The following SULT1A1 variants were observed in gnomAD, a reference collection of about 807,000 sequenced individuals.
The protein encoded by SULT1A1 is sulfotransferase 1A1.
A neutral mutation model predicts 36.8 loss-of-function variants in SULT1A1; 35 were observed. That is an observed-to-expected ratio of 0.95 (90% CI 0.73 to 1.26). The LOEUF (loss-of-function observed/expected upper bound fraction) is 1.26. SULT1A1 is among the 50% of genes most tolerant of loss of function. SULT1A1 has a pLI of 0.00. For missense variants in SULT1A1, 309 were observed against 383.0 expected (o/e 0.81, Z 1.61); for synonymous variants, 119 against 146.0 (o/e 0.82, Z 1.33).
chr16:28,615,786 G>A (rs1232828395), intron 2 of SULT1A1, among the ~76,000 whole-genome samples: 2 of 152,230 alleles, frequency 1.3e-5, no homozygotes, highest in Non-Finnish European at 1.5e-5. Context: ...GTAAGGTCAC[G>A]TGGGTCACGT....
At chr16:28,618,339 C>CTTTTTTTTTTTTTT (rs546277570) in intron 2 of SULT1A1, among the ~76,000 whole-genome samples, 1 of 72,400 alleles carries the variant, frequency 1.4e-5, no homozygotes, top group Non-Finnish European at 2.4e-5. Context: ...ACTTCCCGCT[C>CTTTTTTTTTTTTTT]TTTTTTTTTT....
chr16:28,620,513 G>C (rs921184798), intron 1 of SULT1A1, among the ~76,000 whole-genome samples: 2 of 144,972 alleles, frequency 1.4e-5, no homozygotes, highest in Admixed American at 7.2e-5. Flanking sequence ...ACAGTGAGCT[G>C]TGATCATGCC....
upstream of SULT1A1, among the ~76,000 whole-genome samples, chr16:28,614,448 G>A (rs2047491309): frequency 1.6e-5 from 2 of 128,308 alleles, 1 homozygote; most frequent in African/African-American, 5.3e-5. Flanking sequence ...AGACCCTTCC[G>A]GTCTCACCAG....
chr16:28,617,740 C>T (rs1300476616), intron 2 of SULT1A1, among the ~76,000 whole-genome samples: 3 of 152,016 alleles, frequency 2.0e-5, no homozygotes, highest in African/African-American at 7.2e-5. Context: ...CGGGGTTTCA[C>T]CAAGTTGGCC....
chr16:28,623,119 C>T (rs552285207), intron 1 of SULT1A1: 12 of 1,546,220 alleles, frequency 7.8e-6, no homozygotes, highest in South Asian at 6.0e-5. Flanking sequence ...GGTTCCCCCC[C>T]CGGCCCCTCA....
chr16:28,605,589 C>T lies in SULT1A1; in HGVS notation c.*232G>A, dbSNP rs1268093093. 5 of 737,302 alleles carry T rather than the reference C, an allele frequency of 6.8e-6. No individual in the cohort carries two copies. Among genetic ancestry groups the T allele is most frequent in the African/African-American group, 1.7e-5 (1 of 58,640 alleles). The allele number at this position is 737,302 out of a possible 1,614,324, so 45.7% of individuals were successfully genotyped here. On this transcript the variant is annotated 3_prime_UTR_variant, in exon 8 of 8. Coordinates refer to ENST00000314752, the MANE Select transcript of SULT1A1 (RefSeq NM_001055.4). ...GCCTGGCCCACAATCATATTTTATT[C>T]TCTTTTTAAAAATTGGTTTTATTTT...
rs1244950973 is a variant in SULT1A1, at chr16:28,608,559, C to G, written c.193G>C (p.Gly65Arg). ...GCTCGGTGACACTTCTCCAGGTCAC[C>G]ACCCTGGTAGATCATGTCCAGAATC... ...SQILDMIYQG[G>R]DLEKCHRAPI... The change falls in exon 3 of 8, where the codon GGT becomes CGT. Residue 65 changes from glycine (G) to arginine (R), a missense_variant. By Grantham distance (125) the Gly-to-Arg change is moderately radical. Coordinates refer to ENST00000314752, the MANE Select transcript of SULT1A1 (RefSeq NM_001055.4). 1 of 1,612,246 alleles carries G rather than the reference C, an allele frequency of 6.2e-7. No homozygotes were observed. Among genetic ancestry groups the G allele is most frequent in the African/African-American group, 1.3e-5 (1 of 74,866 alleles).
At chr16:28,623,363 C>T in exon 1 of SULT1A1, 1 of 1,486,078 alleles carries the variant, frequency 6.7e-7, no homozygotes, top group Non-Finnish European at 8.9e-7. Flanking sequence ...CGGAGACGAG[C>T]GAGCTACGGC....
intron 1 of SULT1A1, among the ~76,000 whole-genome samples, chr16:28,622,604 C>A (rs939279516): frequency 6.6e-6 from 1 of 152,170 alleles, no homozygotes; most frequent in Non-Finnish European, 1.5e-5. Flanking sequence ...TGCTCTGCCC[C>A]CCAGGGTCAC....
Position 28,608,272 on chromosome 16 carries a change from A to C in SULT1A1, c.372+19T>G. ...AAAGTGCTGGGATTATGGATGTGAA[A>C]CACTGTGCCCTGCCTCACCTTGACC... On this transcript the variant is annotated intron_variant, in intron 4 of 7. Coordinates refer to ENST00000314752, the MANE Select transcript of SULT1A1 (RefSeq NM_001055.4). The C allele has an allele frequency of 1.2e-6, 2 of 1,611,448 alleles. No homozygotes were observed. The highest frequency in any genetic ancestry group is 1.7e-6 in the Non-Finnish European group (2 of 1,178,068).
chr16:28,605,349 C>T lies in SULT1A1; in HGVS notation c.*472G>A, dbSNP rs2047134018. On this transcript the variant is annotated 3_prime_UTR_variant, in exon 8 of 8. Coordinates refer to ENST00000314752, the MANE Select transcript of SULT1A1 (RefSeq NM_001055.4). ...GTGGATTAGCCCAGTCAGCCCACTG[C>T]AGCCATAACCTCCCTGGCTCAGGCG... 1 of 253,566 alleles carries T rather than the reference C, an allele frequency of 3.9e-6. No homozygotes were observed. The highest frequency in any genetic ancestry group is 7.9e-6 in the Non-Finnish European group (1 of 127,146). The allele number at this position is 253,566 out of a possible 1,614,324, so 15.7% of individuals were successfully genotyped here. A position where few individuals can be genotyped will look rare whatever the true frequency, so the allele number is the denominator to read the frequency against.
At chr16:28,621,161 G>A (rs1289148424) in intron 1 of SULT1A1, among the ~76,000 whole-genome samples, 2 of 151,328 alleles carry the variant, frequency 1.3e-5, no homozygotes, top group Non-Finnish European at 2.9e-5. Context: ...AATTTCACTA[G>A]TTGTTTCCTC....
intron 1 of SULT1A1, among the ~76,000 whole-genome samples, chr16:28,621,891 T>A (rs370642222): frequency 6.6e-6 from 1 of 152,160 alleles, no homozygotes; most frequent in East Asian, 1.9e-4. Flanking sequence ...TTAACCAACT[T>A]GAGTGATCAG....
In SULT1A1 at chr16:28,606,785, G is replaced by A. The variant is rs763784335; in HGVS notation, c.570C>T (p.Tyr190=). The A allele has an allele frequency of 7.4e-6, 12 of 1,612,460 alleles. 1 individual carries two copies. Among genetic ancestry groups the A allele is most frequent in the Admixed American group, 1.7e-5 (1 of 59,932 alleles). Residue 190 remains tyrosine, a synonymous_variant, in exon 6 of 8, where the codon TAC becomes TAT. Transcript: ENST00000314752. ...CCTCCTTCATGTCTTCATAGAAGAG[G>A]TAGAGAACAGGGTGGGTGCGGCTCA... is the stretch of plus-strand genomic sequence containing the variant. The part of the protein sequence containing the change: ...WELSRTHPVL[Y]LFYEDMKENP...
chr16:28,610,024 A>T lies in SULT1A1; in HGVS notation c.-98T>A, dbSNP rs1450721890. The T allele has an allele frequency of 1.1e-5, 14 of 1,265,042 alleles. No individual in the cohort carries two copies. The African/African-American group carries it at 2.4e-4, about 21-fold the overall frequency. 78.4% of individuals were successfully genotyped at this position (1,265,042 alleles called of 1,614,324 possible). A position where few individuals can be genotyped will look rare whatever the true frequency, so the allele number is the denominator to read the frequency against. On this transcript the variant is annotated 5_prime_UTR_variant, in exon 1 of 8. Coordinates refer to ENST00000314752, the MANE Select transcript of SULT1A1 (RefSeq NM_001055.4). ...GAATGCAGGGTTGTTCTCTGAGCTG[A>T]GGGTTTCCTAGGTCCACTGTGGGAG... is the stretch of plus-strand genomic sequence containing the variant.
intron 2 of SULT1A1, among the ~76,000 whole-genome samples, chr16:28,619,533 T>C (rs1486338975): frequency 1.3e-5 from 2 of 152,024 alleles, no homozygotes; most frequent in East Asian, 1.9e-4. Context: ...CTGTGCTACA[T>C]AGTGAGACTC....
At chr16:28,622,366 GAGA>G (rs2047673620) in intron 1 of SULT1A1, among the ~76,000 whole-genome samples, 2 of 152,288 alleles carry the variant, frequency 1.3e-5, no homozygotes, top group South Asian at 2.1e-4. Context: ...GTACGCAGTA[GAGA>G]AGGTTTCCAC....
chr16:28,606,152 T>G lies in SULT1A1; in HGVS notation c.679A>C (p.Thr227Pro), dbSNP rs552524124. The G allele has an allele frequency of 6.9e-5, 112 of 1,611,540 alleles. No homozygotes were observed. The East Asian group carries it at 2.2e-3, about 32-fold the overall frequency. ...TTCTTCTTCATCTCCTTGAACGACG[T>G]GTGCTGAACCACGAAGTCCACGGTC... is the stretch of plus-strand genomic sequence containing the variant. ...EETVDFVVQHTSFKEMKKNPM... is the reference protein window; with the variant it reads ...EETVDFVVQHPSFKEMKKNPM... The change falls in exon 7 of 8, where the codon ACG becomes CCG. Residue 227 changes from threonine (T) to proline (P), a missense_variant. Physicochemically the swap from Thr to Pro is conservative, Grantham distance 38. Around this residue, in one of 3 missense-constraint regions of SULT1A1, gnomAD observed 67 missense variants for 122.0 expected, o/e 0.55. Coordinates refer to ENST00000314752, the MANE Select transcript of SULT1A1 (RefSeq NM_001055.4).
chr16:28,607,314 C>T (rs1249104100), intron 4 of SULT1A1: 14 of 728,740 alleles, frequency 1.9e-5, no homozygotes, highest in African/African-American at 3.4e-5. Context: ...CGTCACACCC[C>T]AATCTGGAGC....
Sources: allele counts gnomAD v4.1 joint callset (sites outside exome capture counted in the v4.1 genomes callset), GRCh38; gene constraint gnomAD v4.1.1; regional missense constraint gnomAD v4.1.1; transcripts MANE v1.5; gene names NCBI Gene and HGNC (gene_info 2026-07-23, HGNC 2026-07-21).